Variants in FUT8 observed in about 807,000 individuals in gnomAD.
FUT8 encodes the protein alpha-(1,6)-fucosyltransferase.
A neutral mutation model predicts 71.3 loss-of-function variants in FUT8; 29 were observed. That is an observed-to-expected ratio of 0.41 (90% CI 0.30 to 0.55). The LOEUF (loss-of-function observed/expected upper bound fraction) is 0.55. Among genes scored for constraint, FUT8 ranks in the 20% least tolerant of loss-of-function variants. The pLI, the probability that FUT8 is intolerant of heterozygous loss-of-function variation, is 0.34. For synonymous variants in FUT8, 254 were observed against 239.3 expected (o/e 1.06, Z -0.57); for missense variants, 544 against 702.1 (o/e 0.77, Z 2.55).
At chr14:65,640,753 A>G (rs1890786548) in intron 6 of FUT8, among the ~76,000 whole-genome samples, 1 of 150,906 alleles carries the variant, frequency 6.6e-6, no homozygotes, top group Non-Finnish European at 1.5e-5. Context: ...GAGAACTGAT[A>G]TATTATGGTA....
chr14:65,710,132 G>T (rs1894742799), intron 7 of FUT8, among the ~76,000 whole-genome samples: 1 of 151,972 alleles, frequency 6.6e-6, no homozygotes, highest in South Asian at 2.1e-4. Context: ...ATAAGCAATG[G>T]TATTCATATA....
At chr14:65,451,983 G>C (rs545334891) in intron 1 of FUT8, among the ~76,000 whole-genome samples, 11 of 152,314 alleles carry the variant, frequency 7.2e-5, no homozygotes, top group African/African-American at 2.6e-4. Context: ...TTTTTGGCTT[G>C]AGGGTGAGGT....
At chr14:65,565,911 A>G (rs907529126) in intron 3 of FUT8, among the ~76,000 whole-genome samples, 3 of 151,724 alleles carry the variant, frequency 2.0e-5, no homozygotes, top group Admixed American at 1.3e-4. Flanking sequence ...TTTTTAAAAA[A>G]CATATAAACA....
intron 2 of FUT8, among the ~76,000 whole-genome samples, chr14:65,481,378 C>T (rs766516792): frequency 7.2e-5 from 11 of 151,892 alleles, no homozygotes; most frequent in South Asian, 2.1e-4. Flanking sequence ...TTTATAATTC[C>T]GTAACATATA....
chr14:65,741,856 T>C (rs1332395718), intron 10 of FUT8, among the ~76,000 whole-genome samples: 3 of 151,976 alleles, frequency 2.0e-5, no homozygotes, highest in African/African-American at 4.8e-5. Context: ...ATAGAGAGAT[T>C]TTAATTGTAA....
intron 2 of FUT8, among the ~76,000 whole-genome samples, chr14:65,476,637 A>ATTTTTT (rs200882761): frequency 4.2e-4 from 53 of 125,118 alleles, no homozygotes; most frequent in African/African-American, 1.5e-3. Context: ...AAAGAAGTAG[A>ATTTTTT]TTTTTTTTTT....
chr14:65,623,719 A>G (rs1889747638), intron 5 of FUT8, among the ~76,000 whole-genome samples: 1 of 152,174 alleles, frequency 6.6e-6, no homozygotes, highest in Non-Finnish European at 1.5e-5. Context: ...CTCTGTCTCA[A>G]AAAACAATAA....
Position 65,638,682 on chromosome 14 carries a change from T to C in FUT8, c.597+9076T>C, listed in dbSNP as rs894216770. ...CCCTCACTCCAACACAGGATTTGCC[T>C]GATCTCATTTTTCTTTGACAGGACT... On this transcript the variant is annotated intron_variant, in intron 6 of 10. Coordinates refer to ENST00000673929, the MANE Select transcript of FUT8 (RefSeq NM_001371533.1). This position sits in a 1 kb window ranked among gnomAD's most constrained non-coding sequence, Gnocchi z 4.5. 6.6e-6 allele frequency among the ~76,000 whole-genome samples: 1 copy of C among 152,222 alleles called. No homozygotes were observed. Among genetic ancestry groups the C allele is most frequent in the African/African-American group, 2.4e-5 (1 of 41,462 alleles).
the FUT8 span, among the ~76,000 whole-genome samples, chr14:65,363,425 T>A: frequency 6.6e-6 from 1 of 151,982 alleles, no homozygotes; most frequent in Non-Finnish European, 1.5e-5. Flanking sequence ...CTGGCCTAAT[T>A]TTTGCATTTT....
intron 2 of FUT8, among the ~76,000 whole-genome samples, chr14:65,481,851 C>T (rs1214520592): frequency 2.6e-5 from 4 of 152,066 alleles, no homozygotes; most frequent in South Asian, 2.1e-4. Flanking sequence ...GTTTTGAGAG[C>T]GGTTTATATT....
At chr14:65,451,529 C>T (rs1277459641) in intron 1 of FUT8, among the ~76,000 whole-genome samples, 3 of 152,214 alleles carry the variant, frequency 2.0e-5, no homozygotes, top group African/African-American at 4.8e-5. Flanking sequence ...GAAGTGGCAG[C>T]CCTCTGCCAG....
chr14:65,555,452 C>T (rs1885537442), intron 2 of FUT8, among the ~76,000 whole-genome samples: 2 of 152,144 alleles, frequency 1.3e-5, no homozygotes, highest in Admixed American at 6.6e-5. Context: ...AACTTAGTTT[C>T]CTGCCAAAGA....
At chr14:65,693,517 G>A (rs1352452365) in intron 7 of FUT8, among the ~76,000 whole-genome samples, 1 of 152,200 alleles carries the variant, frequency 6.6e-6, no homozygotes, top group East Asian at 1.9e-4. Context: ...AAGAGAGGGA[G>A]AGGGAGACCG....
chr14:65,600,428 A>G (rs940982237), intron 3 of FUT8, among the ~76,000 whole-genome samples: 2 of 152,178 alleles, frequency 1.3e-5, no homozygotes, highest in Non-Finnish European at 2.9e-5. Flanking sequence ...GTCATGTGCT[A>G]GGTATAGAAT....
At chr14:65,599,470 A>T (rs754395977) in intron 3 of FUT8, among the ~76,000 whole-genome samples, 14 of 152,188 alleles carry the variant, frequency 9.2e-5, no homozygotes, top group Non-Finnish European at 1.3e-4. Flanking sequence ...TATTTTTAGA[A>T]ATATTTTAAA....
At position 65,505,908 on chromosome 14, in the gene FUT8, T is replaced by G. The variant is rs550337801; in HGVS notation, c.-228+50190T>G. 1.5e-4 allele frequency among the ~76,000 whole-genome samples: 23 copies of G among 152,296 alleles called. No homozygotes were observed. In the East Asian group the frequency reaches 4.0e-3, roughly 27 times the overall value. On this transcript the variant is annotated intron_variant, in intron 2 of 10. Transcript: ENST00000673929. ...TCCTAGGAAAACTTATTTGTCCAAC[T>G]CTGTAGCTATCCTCTGGCTGGATAA... is the stretch of plus-strand genomic sequence containing the variant.
At chr14:65,688,461 A>G (rs1317637711) in intron 7 of FUT8, among the ~76,000 whole-genome samples, 1 of 145,404 alleles carries the variant, frequency 6.9e-6, no homozygotes, top group Non-Finnish European at 1.5e-5. Flanking sequence ...TGGATGCATC[A>G]CAGTTTATTT....
At chr14:65,429,600 A>T (rs932639713) in intron 1 of FUT8, among the ~76,000 whole-genome samples, 1 of 152,188 alleles carries the variant, frequency 6.6e-6, no homozygotes, top group Admixed American at 6.5e-5. Context: ...ATGGTGCCTC[A>T]TGCCTGTAAT....
chr14:65,677,799 A>G (rs890820244), intron 7 of FUT8, among the ~76,000 whole-genome samples: 3 of 152,252 alleles, frequency 2.0e-5, no homozygotes, highest in African/African-American at 7.2e-5. Context: ...GTCATTGAGT[A>G]TCATGAGACC....
Sources: allele counts gnomAD v4.1 joint callset (sites outside exome capture counted in the v4.1 genomes callset), GRCh38; gene constraint gnomAD v4.1.1; non-coding constraint Gnocchi (gnomAD v3.1); transcripts MANE v1.5; gene names NCBI Gene and HGNC (gene_info 2026-07-23, HGNC 2026-07-21).